CEP95: variants seen among roughly 807,000 people sequenced by gnomAD.
The protein encoded by CEP95 is centrosomal protein 95.
CEP95 carries 98 observed loss-of-function variants against 111.2 expected under a neutral mutation model. The observed-to-expected ratio is 0.88, with a 90% CI of 0.75 to 1.04. CEP95 has a LOEUF of 1.04. Ranked by LOEUF, CEP95 falls within the 50% of genes least tolerant of loss-of-function variation. The pLI is 0.00. For synonymous variants in CEP95, 323 were observed against 327.1 expected, an observed-to-expected ratio of 0.99 and a Z score of 0.14; for missense variants, 1,027 against 977.2, an observed-to-expected ratio of 1.05 and a Z score of -0.68.
At chr17:64,536,992 G>A in intron 18 of CEP95, 49 bp from the exon 19 acceptor site, 1 of 1,510,740 alleles carries the variant, frequency 6.6e-7, no homozygotes, top group Non-Finnish European at 9.0e-7. Context: ...GTTACATTTG[G>A]ACTACAAACA....
intron 11 of CEP95, among the ~76,000 whole-genome samples, chr17:64,528,911 T>C (rs1968060793): frequency 6.6e-6 from 1 of 152,264 alleles, no homozygotes; most frequent in Non-Finnish European, 1.5e-5. Flanking sequence ...TAGATATGTA[T>C]GCTTACATCC....
intron 17 of CEP95, 194 bp from the exon 18 acceptor site, chr17:64,536,408 C>T (rs1968657006): frequency 2.5e-6 from 1 of 396,894 alleles, no homozygotes; most frequent in African/African-American, 2.1e-5. Context: ...GTGACTGCCC[C>T]ACTACACTCC....
intron 10 of CEP95, among the ~76,000 whole-genome samples, chr17:64,526,494 C>T (rs1005999141): frequency 6.6e-6 from 1 of 152,050 alleles, no homozygotes; most frequent in Admixed American, 6.6e-5. Context: ...TTATAGTTCC[C>T]CTTTGCCGCT....
chr17:64,507,348 G>A, intron 1 of CEP95: 1 of 1,424,408 alleles, frequency 7.0e-7, no homozygotes, highest in Non-Finnish European at 9.2e-7. Flanking sequence ...GGGCGAGGCC[G>A]GTAGGACACT....
chr17:64,511,529 C>G (rs2038895864), intron 3 of CEP95, among the ~76,000 whole-genome samples: 1 of 152,212 alleles, frequency 6.6e-6, no homozygotes, highest in Non-Finnish European at 1.5e-5. Context: ...TTAAGGTTAT[C>G]TGTCTTATTC....
upstream of CEP95, chr17:64,506,802 A>G: frequency 1.8e-6 from 1 of 564,030 alleles, no homozygotes; most frequent in Non-Finnish European, 3.2e-6. Flanking sequence ...CTGCCGGCTG[A>G]TGTGGACCGT....
chr17:64,525,651 A>G, intron 8 of CEP95, 119 bp from the exon 9 acceptor site: 1 of 620,716 alleles, frequency 1.6e-6, no homozygotes. Context: ...ATGCACTTCA[A>G]AACACGGAGA....
At position 64,521,464 on chromosome 17, in the gene CEP95, CAT is replaced by C; in HGVS notation, c.653_654del (p.His218ArgfsTer8). 4 of 1,612,518 alleles carry C rather than the reference CAT, an allele frequency of 2.5e-6. No individual in the cohort carries two copies. The highest frequency in any genetic ancestry group is 3.4e-6 in the Non-Finnish European group (4 of 1,178,714). ...CTTAGCCTCACCAAGTTCTAAATCA[CAT>C]GAAGATATGTTGTACCCTCCTAGTG... is the stretch of plus-strand genomic sequence containing the variant. ...KALASPSSKS[H>X]EDMLYPPSVL... On this transcript the variant is annotated frameshift_variant, in exon 7 of 20. Coordinates refer to ENST00000556440, the MANE Select transcript of CEP95 (RefSeq NM_138363.3). LOFTEE classifies it high-confidence loss of function.
rs2038572514 is a variant in CEP95 at position 64,507,009 on chromosome 17, C to T, written c.-89C>T. The T allele has an allele frequency of 1.4e-6, 2 of 1,473,440 alleles. No homozygotes were observed. The highest frequency in any genetic ancestry group is 1.9e-6 in the Non-Finnish European group (2 of 1,076,672). 91.3% of individuals were successfully genotyped at this position (1,473,440 alleles called of 1,614,324 possible). On this transcript the variant is annotated 5_prime_UTR_variant, in exon 1 of 20. Transcript: ENST00000556440. Reference sequence around the variant, plus strand: ...GCGCTTTGGTTCGTGCGTCCGCGCCCCAGTGTCGGGTCTGCGTGGATCGGT... The same window carrying T: ...GCGCTTTGGTTCGTGCGTCCGCGCCTCAGTGTCGGGTCTGCGTGGATCGGT...
At chr17:64,529,767 G>A (rs1968131119) in intron 12 of CEP95, among the ~76,000 whole-genome samples, 1 of 152,182 alleles carries the variant, frequency 6.6e-6, no homozygotes, top group Non-Finnish European at 1.5e-5. Context: ...TTACAGAGAA[G>A]ATGAGATCAA....
At chr17:64,522,425 T>C (rs1967422526) in intron 7 of CEP95, among the ~76,000 whole-genome samples, 1 of 151,880 alleles carries the variant, frequency 6.6e-6, no homozygotes, top group Non-Finnish European at 1.5e-5. Context: ...GAGGATCACT[T>C]GAGCCCAGGA....
intron 6 of CEP95, 63 bp downstream of exon 6, chr17:64,519,499 T>C: frequency 8.3e-7 from 1 of 1,203,990 alleles, no homozygotes; most frequent in East Asian, 2.3e-5. Flanking sequence ...ATGTAAATGG[T>C]ATGTAGGAGT....
intron 18 of CEP95, 26 bp from the exon 19 acceptor site, chr17:64,537,015 T>C (rs782361830): frequency 3.8e-6 from 6 of 1,576,870 alleles, no homozygotes; most frequent in Admixed American, 3.6e-5. Flanking sequence ...AAATATAATA[T>C]TTGTTTTTTT....
intron 2 of CEP95, among the ~76,000 whole-genome samples, chr17:64,509,541 C>G (rs1394025784): frequency 6.6e-6 from 1 of 152,108 alleles, no homozygotes. Flanking sequence ...AAAAATTAGC[C>G]AGGCATAGTG....
chr17:64,531,496 G>A (rs1172166977), intron 13 of CEP95, among the ~76,000 whole-genome samples: 3 of 152,160 alleles, frequency 2.0e-5, no homozygotes, highest in African/African-American at 7.2e-5. Context: ...AGGATATAAA[G>A]TACAGTATGG....
intron 3 of CEP95, among the ~76,000 whole-genome samples, chr17:64,513,194 A>G (rs2144360434): frequency 6.6e-6 from 1 of 152,330 alleles, no homozygotes; most frequent in South Asian, 2.1e-4. Flanking sequence ...GTAGTATAAA[A>G]CGTCAAATTT....
chr17:64,526,630 C>T (rs1967844244), intron 10 of CEP95, among the ~76,000 whole-genome samples: 1 of 152,110 alleles, frequency 6.6e-6, no homozygotes, highest in South Asian at 2.1e-4. Flanking sequence ...TTTATTGAAA[C>T]TTAGTGATCC....
chr17:64,519,731 G>A (rs534280564), intron 6 of CEP95, among the ~76,000 whole-genome samples: 25 of 152,298 alleles, frequency 1.6e-4, no homozygotes, highest in African/African-American at 6.0e-4. Context: ...CGCTTTCAGG[G>A]TATTCTTTAA....
At position 64,514,302 on chromosome 17, in the gene CEP95, T is replaced by A; in HGVS notation, c.311T>A (p.Phe104Tyr). 1 of 1,517,700 alleles carries A rather than the reference T, an allele frequency of 6.6e-7. No individual in the cohort carries two copies. Among genetic ancestry groups the A allele is most frequent in the Non-Finnish European group, 9.0e-7 (1 of 1,116,750 alleles). 94.0% of individuals were successfully genotyped at this position (1,517,700 alleles called of 1,614,324 possible). Residue 104 changes from phenylalanine (F) to tyrosine (Y), a missense_variant, in exon 4 of 20, where the codon TTT becomes TAT. By Grantham distance (22) the Phe-to-Tyr change is conservative. Transcript: ENST00000556440. ...TCTATTAAGAATCTCCTGGAAATATTTGATGGTTTGTTGGAGTATCTTACA... is the reference window on the plus strand; with the variant it reads ...TCTATTAAGAATCTCCTGGAAATATATGATGGTTTGTTGGAGTATCTTACA... ...KESIKNLLEIFDGLLEYLTER... is the reference protein window; with the variant it reads ...KESIKNLLEIYDGLLEYLTER...
Sources: allele counts gnomAD v4.1 joint callset (sites outside exome capture counted in the v4.1 genomes callset), GRCh38; gene constraint gnomAD v4.1.1; transcripts MANE v1.5; gene names NCBI Gene and HGNC (gene_info 2026-07-23, HGNC 2026-07-21).